The following IYD variants were observed in gnomAD, a reference collection of about 807,000 sequenced individuals.
The protein encoded by IYD is iodotyrosine deiodinase 1.
IYD carries 25 observed loss-of-function variants against 28.4 expected under a neutral mutation model. The observed-to-expected ratio is 0.88, with a 90% CI of 0.64 to 1.23. The LOEUF is 1.23. Ranked by LOEUF, IYD falls within the 50% of genes most tolerant of loss-of-function variation. The pLI is 0.00. For synonymous variants in IYD, 140 were observed against 130.8 expected, an observed-to-expected ratio of 1.07 and a Z score of -0.48; for missense variants, 352 against 357.9, an observed-to-expected ratio of 0.98 and a Z score of 0.13.
intron 1 of IYD, among the ~76,000 whole-genome samples, chr6:150,385,302 T>C (rs1393131281): frequency 1.3e-5 from 2 of 152,162 alleles, no homozygotes; most frequent in Admixed American, 6.5e-5. Flanking sequence ...CAATCACTGA[T>C]GGAAGGGTTT....
At chr6:150,372,207 A>G (rs1562308558) in intron 1 of IYD, among the ~76,000 whole-genome samples, 1 of 152,116 alleles carries the variant, frequency 6.6e-6, no homozygotes, top group Non-Finnish European at 1.5e-5. Context: ...CTGATTCACA[A>G]AGAATTCCTA....
chr6:150,384,970 T>G (rs1235915016), intron 1 of IYD: 1 of 152,174 alleles, frequency 6.6e-6, no homozygotes, highest in Non-Finnish European at 1.5e-5. Flanking sequence ...AGTTTTGGCA[T>G]TTTTAGCTCC....
chr6:150,378,867 A>G (rs991665808), intron 1 of IYD, among the ~76,000 whole-genome samples: 4 of 152,176 alleles, frequency 2.6e-5, no homozygotes, highest in African/African-American at 9.6e-5. Context: ...CACTATTCAC[A>G]ATAGCAAAGA....
rs1778509328 is a variant in IYD at position 150,401,507 on chromosome 6, C to G, written c.*3270C>G. ...AGACACTTCTTCTGCCCCAAGCACA[C>G]CCCACACTAATTTCTGCTGCAGCAT... On this transcript the variant is annotated 3_prime_UTR_variant, in exon 5 of 5. Coordinates refer to ENST00000344419, the MANE Select transcript of IYD (RefSeq NM_203395.3). 6.6e-6 allele frequency: 1 copy of G among 152,314 alleles called. No individual in the cohort carries two copies. Among genetic ancestry groups the G allele is most frequent in the Non-Finnish European group, 1.5e-5 (1 of 68,154 alleles). 9.4% of individuals were successfully genotyped at this position (152,314 alleles called of 1,614,324 possible).
chr6:150,400,974 C>A lies in IYD; in HGVS notation c.*2737C>A, dbSNP rs1778493449. The stretch of plus-strand genomic sequence containing the variant: ...ATATTGTTAGTGATGTGAGTGATGC[C>A]TGCTGAAGTACTGAGAGATGAAGCA... On this transcript the variant is annotated 3_prime_UTR_variant, in exon 5 of 5. Coordinates refer to ENST00000344419, the MANE Select transcript of IYD (RefSeq NM_203395.3). 1 of 152,112 alleles carries A rather than the reference C, an allele frequency of 6.6e-6. No individual in the cohort carries two copies. Among genetic ancestry groups the A allele is most frequent in the Non-Finnish European group, 1.5e-5 (1 of 68,042 alleles). 9.4% of individuals were successfully genotyped at this position (152,112 alleles called of 1,614,324 possible).
rs1052535785 is a variant in IYD, at chr6:150,403,511, T to A, written c.*5274T>A. On this transcript the variant is annotated 3_prime_UTR_variant, in exon 5 of 5. Transcript: ENST00000344419. ...ACTGGAGGTGGGAATGGTAAGGAACTCCCAGCAGGGTAGTGGAGGGAATGG... is the reference window on the plus strand; with the variant it reads ...ACTGGAGGTGGGAATGGTAAGGAACACCCAGCAGGGTAGTGGAGGGAATGG... 2 of 152,214 alleles carry A rather than the reference T, an allele frequency of 1.3e-5. No individual in the cohort carries two copies. Among genetic ancestry groups the A allele is most frequent in the Non-Finnish European group, 2.9e-5 (2 of 68,048 alleles). 9.4% of individuals were successfully genotyped at this position (152,214 alleles called of 1,614,324 possible).
chr6:150,395,712 C>T (rs1293652419), intron 4 of IYD: 1 of 745,808 alleles, frequency 1.3e-6, no homozygotes, highest in African/African-American at 1.7e-5. Context: ...AGTATGGTGA[C>T]TGGGTCTGAT....
chr6:150,383,488 A>G (rs570624229), intron 1 of IYD, among the ~76,000 whole-genome samples: 1 of 152,236 alleles, frequency 6.6e-6, no homozygotes, highest in African/African-American at 2.4e-5. Context: ...TCCAATGCAT[A>G]CAAGAAAATG....
At chr6:150,370,126 C>T in intron 1 of IYD, 1 of 683,266 alleles carries the variant, frequency 1.5e-6, no homozygotes, top group Non-Finnish European at 2.7e-6. Flanking sequence ...CTAATGATGC[C>T]CCCATCCCCA....
Position 150,392,361 on chromosome 6 carries a change from G to A in IYD, c.387G>A (p.Gly129=). ...VIRTAGTAPS[G]AHTEPWTFVV... is the part of the protein sequence containing the mutation. The stretch of plus-strand genomic sequence containing the variant: ...GGGTGACAGGAACAGCCCCGAGTGG[G>A]GCTCACACAGAGCCCTGGACCTTCG... The change falls in exon 3 of 5, where the codon GGG becomes GGA. Residue 129 remains glycine (G), a synonymous_variant. Transcript: ENST00000344419. 1 of 1,613,470 alleles carries A rather than the reference G, an allele frequency of 6.2e-7. No individual in the cohort carries two copies.
chr6:150,388,883 G>A (rs1465349963), intron 1 of IYD, among the ~76,000 whole-genome samples: 1 of 151,944 alleles, frequency 6.6e-6, no homozygotes, highest in African/African-American at 2.4e-5. Flanking sequence ...TGTATTTTTA[G>A]TAAAGACGGG....
intron 1 of IYD, among the ~76,000 whole-genome samples, chr6:150,374,081 C>T (rs1339106): frequency 0.15 from 23,480 of 152,162 alleles, 3,623 homozygotes; most frequent in African/African-American, 0.38. Flanking sequence ...TCTCAGAAGA[C>T]AAATCCTGTC....
intron 4 of IYD, chr6:150,395,512 G>T: frequency 6.5e-7 from 1 of 1,537,316 alleles, no homozygotes; most frequent in Non-Finnish European, 8.7e-7. Context: ...CCTGATTGAG[G>T]GTCCTGGAAG....
chr6:150,381,537 A>G (rs7745569), intron 1 of IYD, among the ~76,000 whole-genome samples: 22,651 of 152,132 alleles, frequency 0.15, 3,310 homozygotes, highest in African/African-American at 0.36. Flanking sequence ...ATTAAGCAAA[A>G]CCTTATACAA....
At chr6:150,381,956 T>G (rs940793997) in intron 1 of IYD, among the ~76,000 whole-genome samples, 1 of 152,222 alleles carries the variant, frequency 6.6e-6, no homozygotes, top group African/African-American at 2.4e-5. Context: ...ATACTAGTCT[T>G]GTACATATGT....
intron 4 of IYD, 71 bp downstream of exon 4, chr6:150,394,326 C>T: frequency 6.4e-7 from 1 of 1,555,346 alleles, no homozygotes; most frequent in South Asian, 1.1e-5. Context: ...AATTCAGGGA[C>T]ATTTGGAAAT....
In IYD at chr6:150,404,056, A is replaced by T. The variant is rs779639792; in HGVS notation, c.*5819A>T. 2 of 152,116 alleles carry T rather than the reference A, an allele frequency of 1.3e-5. No individual in the cohort carries two copies. The highest frequency in any genetic ancestry group is 2.4e-5 in the African/African-American group (1 of 41,408). 9.4% of individuals were successfully genotyped at this position (152,116 alleles called of 1,614,324 possible). On this transcript the variant is annotated 3_prime_UTR_variant, in exon 5 of 5. Transcript: ENST00000344419. ...CTCCTGTTCCCATAGTAACCACAGC[A>T]CTCAGGGCACTGTCTCCCAGCGCTG...
At chr6:150,373,701 C>A (rs542102307) in intron 1 of IYD, among the ~76,000 whole-genome samples, 1 of 152,188 alleles carries the variant, frequency 6.6e-6, no homozygotes, top group East Asian at 1.9e-4. Flanking sequence ...CCTTCCACCC[C>A]ACAAAGAGTT....
chr6:150,388,634 T>TCTTTCTTTCTTC (rs1562317611), intron 1 of IYD, among the ~76,000 whole-genome samples: 5 of 43,000 alleles, frequency 1.2e-4, no homozygotes, highest in Non-Finnish European at 2.9e-4. Context: ...GTTTTTGCTT[T>TCTTTCTTTCTTC]CTTTCTTTCT....
Sources: allele counts gnomAD v4.1 joint callset (sites outside exome capture counted in the v4.1 genomes callset), GRCh38; gene constraint gnomAD v4.1.1; transcripts MANE v1.5; gene names NCBI Gene and HGNC (gene_info 2026-07-23, HGNC 2026-07-21).